The following DCDC1 variants were observed in gnomAD, a reference collection of about 807,000 sequenced individuals.
DCDC1 encodes doublecortin domain containing 1.
In DCDC1, 200 loss-of-function variants were observed where a neutral mutation model predicts 178.3. That is an observed-to-expected ratio of 1.12 (90% CI 1.00 to 1.26). The LOEUF (loss-of-function observed/expected upper bound fraction) is 1.26, where lower values mean the gene tolerates loss of function less well. DCDC1 is among the 50% of genes most tolerant of loss of function. The pLI, the probability that DCDC1 is intolerant of heterozygous loss-of-function variation, is 0.00. For missense variants in DCDC1, 1,983 were observed against 1,749.2 expected (o/e 1.13, Z -2.38); for synonymous variants, 690 against 604.8 (o/e 1.14, Z -2.07).
rs146513393 is a variant in DCDC1, at chr11:30,869,300, A to T, written c.*41-3968T>A. 5.9e-5 allele frequency among the ~76,000 whole-genome samples: 9 copies of T among 152,374 alleles called. No individual in the cohort carries two copies. In the East Asian group the frequency reaches 1.7e-3, roughly 29 times the overall value. On this transcript the variant is annotated intron_variant, in intron 38 of 38. Coordinates refer to ENST00000684477, the MANE Select transcript of DCDC1 (RefSeq NM_001387274.1). ...AGGCAATGTGATGTTCTATGGATTG[A>T]CATAATGCACGTGAGAAGAAAGTTC...
chr11:31,006,191 A>T (rs936688528), intron 20 of DCDC1, among the ~76,000 whole-genome samples: 1 of 152,030 alleles, frequency 6.6e-6, no homozygotes, highest in Non-Finnish European at 1.5e-5. Flanking sequence ...TTCTCATTCA[A>T]TTCTTTTTGA....
intron 3 of DCDC1, among the ~76,000 whole-genome samples, chr11:31,315,247 G>A (rs1042123704): frequency 2.8e-5 from 4 of 142,162 alleles, no homozygotes; most frequent in Non-Finnish European, 4.5e-5. Context: ...TTACTCCCCT[G>A]TAATATCCCT....
intron 2 of DCDC1, 90 bp from the exon 3 acceptor site, chr11:31,328,376 T>G (rs1423219832): frequency 3.1e-6 from 4 of 1,283,950 alleles, no homozygotes; most frequent in Non-Finnish European, 4.2e-6. Flanking sequence ...AACTTACTTG[T>G]CATCATGTGA....
chr11:31,278,837 T>C (rs963949840), intron 7 of DCDC1, among the ~76,000 whole-genome samples: 2 of 152,148 alleles, frequency 1.3e-5, no homozygotes, highest in Admixed American at 6.6e-5. Flanking sequence ...AATAAATACA[T>C]ACTAAAATAC....
chr11:31,227,825 T>C (rs556759161), intron 9 of DCDC1, among the ~76,000 whole-genome samples: 102 of 152,134 alleles, frequency 6.7e-4, no homozygotes, highest in Middle Eastern at 3.4e-3. Flanking sequence ...TATTTTATAA[T>C]AACATTTGTG....
intron 36 of DCDC1, chr11:30,882,460 T>C (rs977783088): frequency 6.6e-6 from 1 of 152,016 alleles, no homozygotes; most frequent in African/African-American, 2.4e-5. Flanking sequence ...TTTTTTATCA[T>C]ACTTTAAGTT....
intron 2 of DCDC1, among the ~76,000 whole-genome samples, chr11:31,329,529 G>C (rs144261355): frequency 6.6e-6 from 1 of 151,860 alleles, no homozygotes; most frequent in African/African-American, 2.4e-5. Flanking sequence ...GTATTTCTCC[G>C]AATGCTATCC....
intron 20 of DCDC1, among the ~76,000 whole-genome samples, chr11:30,960,990 G>C (rs1328788967): frequency 6.6e-6 from 1 of 152,032 alleles, no homozygotes; most frequent in Non-Finnish European, 1.5e-5. Flanking sequence ...TAGGGTCTCT[G>C]TTCAATATTT....
At chr11:30,917,505 A>G (rs1945928578) in intron 25 of DCDC1, among the ~76,000 whole-genome samples, 1 of 152,234 alleles carries the variant, frequency 6.6e-6, no homozygotes, top group South Asian at 2.1e-4. Flanking sequence ...AGAGAAATCT[A>G]GAGAAACTCA....
chr11:31,332,883 G>T (rs1189700285), intron 2 of DCDC1, among the ~76,000 whole-genome samples: 3 of 152,178 alleles, frequency 2.0e-5, no homozygotes, highest in Non-Finnish European at 2.9e-5. Context: ...GAGTTCTGTA[G>T]ATGTCTATTA....
chr11:30,873,344 C>CATAT (rs71481498), intron 38 of DCDC1, among the ~76,000 whole-genome samples: 37 of 134,034 alleles, frequency 2.8e-4, no homozygotes, highest in African/African-American at 9.5e-4. Context: ...TGTGTATATA[C>CATAT]ATATATATAT....
chr11:31,142,359 T>A (rs1041527094), intron 9 of DCDC1, among the ~76,000 whole-genome samples: 2 of 152,136 alleles, frequency 1.3e-5, no homozygotes, highest in East Asian at 3.9e-4. Flanking sequence ...GTTTGAAAAG[T>A]TTGAATGTAT....
At chr11:31,109,838 G>A (rs182228419) in intron 12 of DCDC1, among the ~76,000 whole-genome samples, 26 of 152,250 alleles carry the variant, frequency 1.7e-4, no homozygotes, top group Admixed American at 4.6e-4. Context: ...TAAGATGTAA[G>A]CAAAACTAGC....
At chr11:31,110,495 G>C in intron 11 of DCDC1, 134 bp from the exon 12 acceptor site, 1 of 549,926 alleles carries the variant, frequency 1.8e-6, no homozygotes, top group Non-Finnish European at 3.3e-6. Context: ...GTGTACATGG[G>C]AATTGTGCAA....
intron 20 of DCDC1, among the ~76,000 whole-genome samples, chr11:31,035,187 T>C (rs1953940941): frequency 2.0e-5 from 3 of 152,218 alleles, no homozygotes; most frequent in African/African-American, 2.4e-5. Context: ...AGTTCCCATA[T>C]ATCCTTCACC....
chr11:30,902,950 A>ATTATC (rs1944801144), intron 32 of DCDC1, among the ~76,000 whole-genome samples: 1 of 152,174 alleles, frequency 6.6e-6, no homozygotes, highest in Non-Finnish European at 1.5e-5. Flanking sequence ...TGTGTCCAAA[A>ATTATC]ATGCAATAGA....
intron 34 of DCDC1, among the ~76,000 whole-genome samples, chr11:30,899,016 G>C (rs983567988): frequency 6.6e-6 from 1 of 152,020 alleles, no homozygotes; most frequent in African/African-American, 2.4e-5. Flanking sequence ...TGATCACTTT[G>C]ACTGTGAATA....
intron 4 of DCDC1, among the ~76,000 whole-genome samples, chr11:31,306,931 G>A (rs1365032828): frequency 1.3e-5 from 2 of 151,934 alleles, no homozygotes; most frequent in South Asian, 2.1e-4. Flanking sequence ...AAGTGGTAAC[G>A]GTGAAGATTT....
intron 20 of DCDC1, among the ~76,000 whole-genome samples, chr11:30,996,297 T>C (rs973994009): frequency 6.6e-6 from 1 of 152,278 alleles, no homozygotes. Context: ...CCAAGGGCTA[T>C]AGAGGATGCA....
Sources: allele counts gnomAD v4.1 joint callset (sites outside exome capture counted in the v4.1 genomes callset), GRCh38; gene constraint gnomAD v4.1.1; transcripts MANE v1.5; gene names NCBI Gene and HGNC (gene_info 2026-07-23, HGNC 2026-07-21).